The following NOP2 variants were observed in gnomAD, a reference collection of about 807,000 sequenced individuals.
NOP2 encodes NOP2 nucleolar protein.
Under a neutral mutation model 72.7 loss-of-function variants are expected in NOP2, and 7 were observed. The observed-to-expected ratio is 0.10, with a 90% CI of 0.05 to 0.18. NOP2 has a LOEUF of 0.18. Among genes scored for constraint, NOP2 ranks in the 10% least tolerant of loss-of-function variants. NOP2 has a pLI of 1.00. For missense variants in NOP2, 954 were observed against 1,014.7 expected (o/e 0.94, Z 0.81); for synonymous variants, 387 against 388.0 (o/e 1.00, Z 0.03).
rs531391156 is a variant in NOP2, at chr12:6,557,346, C to T, written c.2086G>A (p.Gly696Arg). ...AEGIREPKVT[G>R]KLKQRSPKLQ... ...TTAGGTGATCGTTGCTTTAGCTTCC[C>T]AGTCACCTTTGGCTCCCTGATCCCT... Residue 696 changes from glycine to arginine, a missense_variant, in exon 16 of 16, where the codon GGG becomes AGG. Coordinates refer to ENST00000322166, the MANE Select transcript of NOP2 (RefSeq NM_001258308.2). 2.2e-5 allele frequency: 35 copies of T among 1,614,036 alleles called. No homozygotes were observed. The South Asian group carries it at 3.5e-4, about 16-fold the overall frequency.
At chr12:6,565,119 C>T (rs549252687) in intron 5 of NOP2, among the ~76,000 whole-genome samples, 284 of 151,820 alleles carry the variant, frequency 1.9e-3, no homozygotes, top group African/African-American at 6.1e-3. Context: ...GATCATCTTC[C>T]TTAATAGGGA....
In NOP2 at chr12:6,563,942, A is replaced by C; in HGVS notation, c.479T>G (p.Leu160Arg). 1 of 1,613,414 alleles carries C rather than the reference A, an allele frequency of 6.2e-7. No homozygotes were observed. ...SEDEEEGEAL[L>R]PIERAARKQK... ...CTTCCGAGCAGCTCTTTCAATGGGC[A>C]GCAACTGAAGAGAGACAAGGGCTAT... Residue 160 changes from leucine to arginine, a missense_variant, in exon 6 of 16, where the codon CTG becomes CGG. This residue lies in a region of NOP2 where 498 missense variants were observed against 478.3 expected (regional missense o/e 1.04). Coordinates refer to ENST00000322166, the MANE Select transcript of NOP2 (RefSeq NM_001258308.2).
Position 6,561,051 on chromosome 12 carries a change from C to A in NOP2, c.1227G>T (p.Thr409=). Residue 409 remains threonine, a synonymous_variant, in exon 12 of 16, where the codon ACG becomes ACT. Transcript: ENST00000322166. Reference sequence around the variant, plus strand: ...TGGCGTCATTGGCAAGGATCACACCCGTGTTCTTCATCAGCTGGGCTAAAG... The same window carrying A: ...TGGCGTCATTGGCAAGGATCACACCAGTGTTCTTCATCAGCTGGGCTAAAG... ...TSYMAQLMKN[T]GVILANDANA... The A allele has an allele frequency of 6.2e-7, 1 of 1,613,996 alleles. No individual in the cohort carries two copies. The highest frequency in any genetic ancestry group is 8.5e-7 in the Non-Finnish European group (1 of 1,179,898).
chr12:6,563,638 G>A lies in NOP2; in HGVS notation c.664C>T (p.Pro222Ser), dbSNP rs1323962431. ...INVDEEPFVL[P>S]PAGEMEQDAQ... is the part of the protein sequence containing the mutation. The stretch of plus-strand genomic sequence containing the variant: ...TCCTGCTCCATCTCCCCAGCAGGGG[G>A]CAGCACAAATGGTTCCTCATCCACA... The change falls in exon 7 of 16, where the codon CCC (proline) becomes TCC (serine). Residue 222 changes from proline (P) to serine (S), a missense_variant. This residue lies in a region of NOP2 where 498 missense variants were observed against 478.3 expected (regional missense o/e 1.04). Coordinates refer to ENST00000322166, the MANE Select transcript of NOP2 (RefSeq NM_001258308.2). 1 of 1,612,922 alleles carries A rather than the reference G, an allele frequency of 6.2e-7. No homozygotes were observed. The highest frequency in any genetic ancestry group is 1.1e-5 in the South Asian group (1 of 90,886).
chr12:6,557,373 C>A lies in NOP2; in HGVS notation c.2059G>T (p.Glu687Ter). 1 of 1,614,034 alleles carries A rather than the reference C, an allele frequency of 6.2e-7. No homozygotes were observed. Among genetic ancestry groups the A allele is most frequent in the Non-Finnish European group, 8.5e-7 (1 of 1,179,894 alleles). ...QDSSQPAGKAEGIREPKVTGK... is the reference protein window; with the variant it reads ...QDSSQPAGKA ...GTCACCTTTGGCTCCCTGATCCCTT[C>A]GGCTTTTCCAGCTGGCTGACTGCTA... Residue 687 changes from glutamate (E) to a stop codon, truncating the protein, a stop_gained, in exon 16 of 16, where the codon GAA becomes TAA. Transcript: ENST00000322166. LOFTEE classifies it low-confidence loss of function (END_TRUNC).
intron 2 of NOP2, 125 bp downstream of exon 2, chr12:6,567,691 C>T: frequency 1.4e-6 from 1 of 720,766 alleles, no homozygotes; most frequent in South Asian, 1.9e-5. Context: ...ATTCATACCT[C>T]CTAGTAACTC....
At chr12:6,558,608 A>ACCTTT (rs1947567854) in intron 15 of NOP2, among the ~76,000 whole-genome samples, 1 of 142,930 alleles carries the variant, frequency 7.0e-6, no homozygotes, top group African/African-American at 2.6e-5. Flanking sequence ...GGCTTTATTT[A>ACCTTT]TCTTTTTTTT....
At position 6,563,791 on chromosome 12, in the gene NOP2, CAG is replaced by C. The variant is rs771198727; in HGVS notation, c.531-22_531-21del. 1.2e-6 allele frequency: 2 copies of C among 1,613,000 alleles called. No homozygotes were observed. The highest frequency in any genetic ancestry group is 3.3e-4 in the Middle Eastern group (2 of 6,058). On this transcript the variant is annotated intron_variant, in intron 6 of 15. Transcript: ENST00000322166. ...TGGATCCTAGAAACAGGTCCAGGAA[CAG>C]AGTGATTCACAGACCAAAACAGATA...
At position 6,557,160 on chromosome 12, in the gene NOP2, G is replaced by A. The variant is rs1390742419; in HGVS notation, c.2272C>T (p.Gln758Ter). The change falls in exon 16 of 16, where the codon CAG becomes TAG. Residue 758 changes from glutamine (Q) to a stop codon, truncating the protein, a stop_gained. Coordinates refer to ENST00000322166, the MANE Select transcript of NOP2 (RefSeq NM_001258308.2). LOFTEE classifies it low-confidence loss of function (END_TRUNC). Reference protein sequence around the residue: ...PLGRAKGVEKQQLPEQPFEKA... With the variant: ...PLGRAKGVEK ...TCAAAAGGCTGCTCTGGCAACTGCT[G>A]CTTCTCAACCCCCTTGGCCCTTCCA... 1 of 1,614,010 alleles carries A rather than the reference G, an allele frequency of 6.2e-7. No homozygotes were observed. Among genetic ancestry groups the A allele is most frequent in the Admixed American group, 1.7e-5 (1 of 60,028 alleles).
At chr12:6,568,012 C>A in intron 1 of NOP2, 90 bp from the exon 2 acceptor site, 2 of 993,340 alleles carry the variant, frequency 2.0e-6, no homozygotes, top group South Asian at 1.4e-5. Context: ...TGGGAAAGGG[C>A]ACAGCCTCAA....
intron 3 of NOP2, 71 bp from the exon 4 acceptor site, chr12:6,566,688 T>C (rs775988351): frequency 2.1e-4 from 328 of 1,576,480 alleles, no homozygotes; most frequent in Admixed American, 2.7e-4. Flanking sequence ...ATTTCCACCA[T>C]AGGGAAATGT....
chr12:6,567,124 A>AT (rs1947800905), intron 2 of NOP2, among the ~76,000 whole-genome samples: 1 of 151,912 alleles, frequency 6.6e-6, no homozygotes. Flanking sequence ...TAATTGTTGT[A>AT]TTTTTAGTAA....
Position 6,567,811 on chromosome 12 carries a change from C to G in NOP2, c.103+5G>C, listed in dbSNP as rs760495206. 1 of 1,612,806 alleles carries G rather than the reference C, an allele frequency of 6.2e-7. No individual in the cohort carries two copies. Among genetic ancestry groups the G allele is most frequent in the African/African-American group, 1.3e-5 (1 of 74,908 alleles). On this transcript the variant is annotated splice_donor_5th_base_variant and intron_variant, in intron 2 of 15. Coordinates refer to ENST00000322166, the MANE Select transcript of NOP2 (RefSeq NM_001258308.2). ...AGGGATCAGGAGGCCACAACTAATCCTTACCTGCAGGCAAGAATCTGACGA... is the reference window on the plus strand; with the variant it reads ...AGGGATCAGGAGGCCACAACTAATCGTTACCTGCAGGCAAGAATCTGACGA...
intron 5 of NOP2, 68 bp from the exon 6 acceptor site, chr12:6,564,014 T>C (rs1947715803): frequency 1.9e-6 from 3 of 1,564,520 alleles, no homozygotes; most frequent in Non-Finnish European, 2.6e-6. Flanking sequence ...GTTCTATCTC[T>C]ATATCTTATT....
intron 15 of NOP2, among the ~76,000 whole-genome samples, chr12:6,558,837 T>A (rs925157941): frequency 6.6e-6 from 1 of 152,104 alleles, no homozygotes; most frequent in African/African-American, 2.4e-5. Flanking sequence ...CTGGGATTTA[T>A]AGGCATGAGC....
Position 6,563,347 on chromosome 12 carries a change from C to G in NOP2, c.856G>C (p.Gly286Arg), listed in dbSNP as rs1947696911. The stretch of plus-strand genomic sequence containing the variant: ...AGAGGGAAGAGGTCCATGAGCTTGC[C>G]AAGCAGGAAGTCTCCATAGGAGTAG... The part of the protein sequence containing the change: ...IYYSYGDFLL[G>R]KLMDLFPLSE... Residue 286 changes from glycine to arginine, a missense_variant, in exon 8 of 16, where the codon GGC becomes CGC. Transcript: ENST00000322166. 6.2e-7 allele frequency: 1 copy of G among 1,600,398 alleles called. No homozygotes were observed. The highest frequency in any genetic ancestry group is 8.5e-7 in the Non-Finnish European group (1 of 1,173,652).
At chr12:6,557,676 A>G in intron 15 of NOP2, 34 bp from the exon 16 acceptor site, 7 of 1,559,204 alleles carry the variant, frequency 4.5e-6, no homozygotes, top group Non-Finnish European at 6.1e-6. Flanking sequence ...GTGTCAGAAA[A>G]TGGGCCTTAT....
rs1416124506 is a variant in NOP2, at chr12:6,567,879, G to A, written c.40C>T (p.Pro14Ser). 4 of 1,613,876 alleles carry A rather than the reference G, an allele frequency of 2.5e-6. No homozygotes were observed. The highest frequency in any genetic ancestry group is 3.4e-6 in the Non-Finnish European group (4 of 1,179,902). Residue 14 changes from proline (P) to serine (S), a missense_variant, in exon 2 of 16, where the codon CCA becomes TCA. Transcript: ENST00000322166. ...KLDPTKEKRG[P>S]GRKARKQKGA... The stretch of plus-strand genomic sequence containing the variant: ...TTCTGCTTCCGGGCCTTTCGGCCTG[G>A]CCCCCGCTTCTCCTTCGTAGGGTCC...
rs945268769 is a variant in NOP2, at chr12:6,566,019, A to C, written c.474+82T>G. 2.5e-6 allele frequency: 3 copies of C among 1,202,692 alleles called. No individual in the cohort carries two copies. In the African/African-American group the frequency reaches 4.5e-5, roughly 18 times the overall value. The allele number at this position is 1,202,692 out of a possible 1,614,324, so 74.5% of individuals were successfully genotyped here. A position where few individuals can be genotyped will look rare whatever the true frequency, so the allele number is the denominator to read the frequency against. ...TCCTCTAGTCAGGCTTATCCTTGCCACTAAGAAACAGTCTCAAGAATCTGG... is the reference window on the plus strand; with the variant it reads ...TCCTCTAGTCAGGCTTATCCTTGCCCCTAAGAAACAGTCTCAAGAATCTGG... On this transcript the variant is annotated intron_variant, in intron 5 of 15. Coordinates refer to ENST00000322166, the MANE Select transcript of NOP2 (RefSeq NM_001258308.2).
Sources: gnomAD v4.1 joint callset for allele counts (sites outside exome capture counted in the v4.1 genomes callset) on GRCh38, gnomAD v4.1.1 for gene constraint, gnomAD v4.1.1 regional missense constraint, MANE v1.5 for transcripts, NCBI Gene and HGNC (gene_info 2026-07-23, HGNC 2026-07-21) for gene names.